Variants in CTNND2 observed in about 807,000 individuals in gnomAD.
CTNND2 encodes catenin delta 2, also known as catenin delta-2.
CTNND2 carries 22 observed loss-of-function variants against 144.4 expected under a neutral mutation model. The observed-to-expected ratio is 0.15, with a 90% confidence interval of 0.11 to 0.22. CTNND2 has a LOEUF of 0.22. Ranked by LOEUF, CTNND2 falls within the 10% of genes least tolerant of loss-of-function variation. The pLI is 1.00. For missense variants in CTNND2, 1,353 were observed against 1,618.8 expected, an observed-to-expected ratio of 0.84 and a Z score of 2.82; for synonymous variants, 751 against 695.6, an observed-to-expected ratio of 1.08 and a Z score of -1.25.
At chr5:11,829,352 A>G (rs1240414022) in intron 1 of CTNND2, among the ~76,000 whole-genome samples, 2 of 152,014 alleles carry the variant, frequency 1.3e-5, no homozygotes, top group Non-Finnish European at 2.9e-5. Context: ...GCAACCAGCC[A>G]CTCCCATCAC....
chr5:11,551,419 CTTTTTCT>C, intron 3 of CTNND2, among the ~76,000 whole-genome samples: 6 of 136,022 alleles, frequency 4.4e-5, no homozygotes, highest in East Asian at 2.1e-4. Context: ...CATATTTATG[CTTTTTCT>C]TTTTTCTTTT....
intron 1 of CTNND2, among the ~76,000 whole-genome samples, chr5:11,876,031 T>C (rs1217909478): frequency 6.6e-6 from 1 of 152,242 alleles, no homozygotes; most frequent in East Asian, 1.9e-4. Context: ...GTAACAGCTA[T>C]AGCATGACTA....
At chr5:11,786,897 G>C (rs1185703585) in intron 1 of CTNND2, among the ~76,000 whole-genome samples, 1 of 152,136 alleles carries the variant, frequency 6.6e-6, no homozygotes, top group Non-Finnish European at 1.5e-5. Flanking sequence ...ATAGAGTTGG[G>C]GGACAGAAGT....
Position 11,384,613 on chromosome 5 carries a change from C to G in CTNND2, c.1177+52G>C, listed in dbSNP as rs955201207. ...TGCTCAAGCCGGGCTGCTGCTTCCG[C>G]GTCCCCGCCACGCGCCCAGGTGAGT... On this transcript the variant is annotated intron_variant, in intron 7 of 21. Coordinates refer to ENST00000304623, the MANE Select transcript of CTNND2 (RefSeq NM_001332.4). This position sits in a 1 kb window ranked among gnomAD's most constrained non-coding sequence, Gnocchi z 5.2. The G allele has an allele frequency of 1.4e-5, 22 of 1,520,426 alleles. No individual in the cohort carries two copies. The highest frequency in any genetic ancestry group is 1.8e-5 in the Non-Finnish European group (20 of 1,133,744). 94.2% of individuals were successfully genotyped at this position (1,520,426 alleles called of 1,614,324 possible).
chr5:11,873,325 A>G (rs1432638483), intron 1 of CTNND2, among the ~76,000 whole-genome samples: 1 of 152,206 alleles, frequency 6.6e-6, no homozygotes, highest in African/African-American at 2.4e-5. Flanking sequence ...ATACTAAAAG[A>G]TGAAACAGTT....
At chr5:11,764,451 CA>C (rs1174806281) in intron 1 of CTNND2, among the ~76,000 whole-genome samples, 1 of 150,218 alleles carries the variant, frequency 6.7e-6, no homozygotes, top group East Asian at 1.9e-4. Context: ...GATCAAAAAG[CA>C]AAAAAAAAGA....
intron 15 of CTNND2, among the ~76,000 whole-genome samples, chr5:11,098,311 T>A (rs1264694462): frequency 6.6e-6 from 1 of 151,990 alleles, no homozygotes; most frequent in Non-Finnish European, 1.5e-5. Flanking sequence ...AAGAATAGAA[T>A]GAAAAACATT....
At chr5:11,673,363 T>C (rs1784007807) in intron 2 of CTNND2, among the ~76,000 whole-genome samples, 1 of 152,226 alleles carries the variant, frequency 6.6e-6, no homozygotes, top group Non-Finnish European at 1.5e-5. Flanking sequence ...ATTACGCAGA[T>C]GAATATCCAG....
At chr5:11,049,208 C>A (rs1745583843) in intron 16 of CTNND2, among the ~76,000 whole-genome samples, 1 of 152,142 alleles carries the variant, frequency 6.6e-6, no homozygotes, top group African/African-American at 2.4e-5. Context: ...CTCCTGATAT[C>A]TATTCCATAC....
intron 2 of CTNND2, among the ~76,000 whole-genome samples, chr5:11,656,633 A>G (rs1782930079): frequency 6.6e-6 from 1 of 152,138 alleles, no homozygotes; most frequent in African/African-American, 2.4e-5. Context: ...GAACAGTGGA[A>G]ACTCATTGAC....
chr5:11,537,559 G>T (rs116804905), intron 3 of CTNND2, among the ~76,000 whole-genome samples: 2,325 of 152,254 alleles, frequency 0.015, 60 homozygotes, highest in African/African-American at 0.053. Context: ...TACAGGCATA[G>T]TGTAAATAGT....
intron 16 of CTNND2, among the ~76,000 whole-genome samples, chr5:11,076,212 C>T (rs1748933768): frequency 6.6e-6 from 1 of 152,146 alleles, no homozygotes; most frequent in African/African-American, 2.4e-5. Flanking sequence ...CCCACTTCAG[C>T]TCTGGGTGCA....
chr5:11,429,418 G>A (rs1288894496), intron 3 of CTNND2, among the ~76,000 whole-genome samples: 2 of 152,152 alleles, frequency 1.3e-5, no homozygotes, highest in Non-Finnish European at 2.9e-5. Context: ...TCCCCGTTCT[G>A]CCTCTGGTGC....
chr5:11,091,825 T>A (rs1012616874), intron 15 of CTNND2, among the ~76,000 whole-genome samples: 38 of 152,312 alleles, frequency 2.5e-4, no homozygotes, highest in South Asian at 1.7e-3. Flanking sequence ...TCATTCTCCC[T>A]AATAATTTCA....
intron 15 of CTNND2, among the ~76,000 whole-genome samples, chr5:11,097,805 G>A (rs1349077584): frequency 6.6e-6 from 1 of 152,148 alleles, no homozygotes; most frequent in African/African-American, 2.4e-5. Flanking sequence ...TGAGATTAAT[G>A]GAACATGCAT....
chr5:11,129,283 TA>T (rs1453491867), intron 12 of CTNND2, among the ~76,000 whole-genome samples: 2 of 64,350 alleles, frequency 3.1e-5, no homozygotes, highest in African/African-American at 5.2e-5. Flanking sequence ...ATATATTATA[TA>T]AAAATATATA....
rs546210255 is a variant in CTNND2 at position 11,496,571 on chromosome 5, T to A, written c.287+68373A>T. On this transcript the variant is annotated intron_variant, in intron 3 of 21. Transcript: ENST00000304623. The stretch of plus-strand genomic sequence containing the variant: ...CCCCCTCCACCCTAAGGTAGGAGTG[T>A]GTATGAAATATTACACATGTACATG... Among the ~76,000 whole-genome samples, 67 of 152,178 alleles carry A rather than the reference T, an allele frequency of 4.4e-4. 1 individual carries two copies. The highest frequency in any genetic ancestry group is 4.3e-3 in the Admixed American group (66 of 15,286).
intron 16 of CTNND2, among the ~76,000 whole-genome samples, chr5:11,056,045 G>A (rs372544001): frequency 6.6e-6 from 1 of 152,224 alleles, no homozygotes; most frequent in African/African-American, 2.4e-5. Flanking sequence ...AACATGAGTA[G>A]TTGCAACATG....
intron 6 of CTNND2, among the ~76,000 whole-genome samples, chr5:11,393,734 C>T (rs549985453): frequency 6.6e-6 from 1 of 152,282 alleles, no homozygotes; most frequent in East Asian, 1.9e-4. Flanking sequence ...GCATCGTTCT[C>T]GCTCTTGCAG....
Sources: gnomAD v4.1 joint callset for allele counts (sites outside exome capture counted in the v4.1 genomes callset) on GRCh38, gnomAD v4.1.1 for gene constraint, Gnocchi (gnomAD v3.1) non-coding constraint, MANE v1.5 for transcripts, NCBI Gene and HGNC (gene_info 2026-07-23, HGNC 2026-07-21) for gene names.